The following KRIT1 variants were observed in gnomAD, a reference collection of about 807,000 sequenced individuals.
KRIT1 encodes krev interaction trapped protein 1.
In KRIT1, 45 loss-of-function variants were observed where a neutral mutation model predicts 95.8. The ratio of observed to expected loss-of-function variants is 0.47; its 90% CI spans 0.37 to 0.60. KRIT1 has a LOEUF of 0.60. KRIT1 is among the 20% of genes least tolerant of loss of function. The pLI, the probability that KRIT1 is intolerant of heterozygous loss-of-function variation, is 0.00. For synonymous variants in KRIT1, 282 were observed against 278.8 expected (o/e 1.01, Z -0.11); for missense variants, 788 against 877.5 (o/e 0.90, Z 1.29).
In KRIT1 at chr7:92,213,176, A is replaced by G; in HGVS notation, c.2025+19T>C. 1 of 1,553,452 alleles carries G rather than the reference A, an allele frequency of 6.4e-7. No homozygotes were observed. The highest frequency in any genetic ancestry group is 8.9e-7 in the Non-Finnish European group (1 of 1,125,480). On this transcript the variant is annotated intron_variant, in intron 17 of 18. Coordinates refer to ENST00000394505, the MANE Select transcript of KRIT1 (RefSeq NM_194454.3). ...AACTATTATATGACATGATTGGTAA[A>G]AAAGAGCTGAAAATCTACCTTAGTT...
rs1474333507 is a variant in KRIT1, at chr7:92,222,821, C to T, written c.1411+1G>A. 1 of 1,591,000 alleles carries T rather than the reference C, an allele frequency of 6.3e-7. No individual in the cohort carries two copies. Among genetic ancestry groups the T allele is most frequent in the Non-Finnish European group, 8.6e-7 (1 of 1,159,432 alleles). On this transcript the variant is annotated splice_donor_variant, in intron 13 of 18. Transcript: ENST00000394505. LOFTEE classifies it high-confidence loss of function. ...CTATAACATAATAAAAACTTTCTTA[C>T]TGAGGTTTTCTGAACAAATCCATAT...
chr7:92,219,364 AC>A lies in KRIT1; in HGVS notation c.1563+2537del, dbSNP rs572098575. Among the ~76,000 whole-genome samples the A allele has an allele frequency of 6.7e-3, 1,014 of 152,328 alleles. 8 individuals carry two copies. The highest frequency in any genetic ancestry group is 1.0e-2 in the Non-Finnish European group (680 of 68,020). On this transcript the variant is annotated intron_variant, in intron 14 of 18. Transcript: ENST00000394505. Reference sequence around the variant, plus strand: ...TTTCCTACTTTTGCAATGTGAACTTACAGTTATACCAGCACCATCTGTTGAA... The same window carrying A: ...TTTCCTACTTTTGCAATGTGAACTTAAGTTATACCAGCACCATCTGTTGAA...
At chr7:92,225,689 G>T (rs749952363) in intron 12 of KRIT1, 31 bp downstream of exon 12, 13 of 1,117,858 alleles carry the variant, frequency 1.2e-5, no homozygotes, top group Non-Finnish European at 1.8e-5. Flanking sequence ...TAAATACTAT[G>T]CCTGGCTCTA....
At position 92,237,623 on chromosome 7, in the gene KRIT1, C is replaced by T. The variant is rs1354578057; in HGVS notation, c.355+44G>A. Reference sequence around the variant, plus strand: ...ACTTCCTCAATAGACCTTTACTTAGCATCTAAAGTATATAAAGATTTGTAA... The same window carrying T: ...ACTTCCTCAATAGACCTTTACTTAGTATCTAAAGTATATAAAGATTTGTAA... On this transcript the variant is annotated intron_variant, in intron 6 of 18. Coordinates refer to ENST00000394505, the MANE Select transcript of KRIT1 (RefSeq NM_194454.3). 3.6e-6 allele frequency: 4 copies of T among 1,101,366 alleles called. No homozygotes were observed. The South Asian group carries it at 5.1e-5, about 14-fold the overall frequency. 68.2% of individuals were successfully genotyped at this position (1,101,366 alleles called of 1,614,324 possible).
chr7:92,216,672 A>C (rs1794060642), intron 14 of KRIT1, among the ~76,000 whole-genome samples: 1 of 152,210 alleles, frequency 6.6e-6, no homozygotes, highest in Admixed American at 6.5e-5. Context: ...AAGTAAATAC[A>C]CTAAACCAAA....
At chr7:92,211,511 G>A (rs920564118) in intron 17 of KRIT1, among the ~76,000 whole-genome samples, 4 of 152,148 alleles carry the variant, frequency 2.6e-5, no homozygotes, top group African/African-American at 7.2e-5. Flanking sequence ...GCTGGGAAGG[G>A]TAGGGTAGGG....
At position 92,235,389 on chromosome 7, in the gene KRIT1, C is replaced by T; in HGVS notation, c.729+14G>A. ...CGTCTTTTAAATCAGAGCTAAAATT[C>T]ATTCAACTCTTACCCGATTTGTATA... is the stretch of plus-strand genomic sequence containing the variant. On this transcript the variant is annotated intron_variant, in intron 8 of 18. Coordinates refer to ENST00000394505, the MANE Select transcript of KRIT1 (RefSeq NM_194454.3). The T allele has an allele frequency of 6.2e-7, 1 of 1,612,732 alleles. No individual in the cohort carries two copies. The highest frequency in any genetic ancestry group is 8.5e-7 in the Non-Finnish European group (1 of 1,179,078).
chr7:92,213,440 T>A, intron 16 of KRIT1, 39 bp from the exon 17 acceptor site: 1 of 1,391,080 alleles, frequency 7.2e-7, no homozygotes, highest in Non-Finnish European at 1.0e-6. Flanking sequence ...AAAAGAGATA[T>A]GAAAGGAAAA....
Position 92,235,479 on chromosome 7 carries a change from T to C in KRIT1, c.653A>G (p.Lys218Arg). 6.2e-7 allele frequency: 1 copy of C among 1,613,478 alleles called. No homozygotes were observed. The highest frequency in any genetic ancestry group is 2.2e-5 in the East Asian group (1 of 44,844). The change falls in exon 8 of 19, where the codon AAA becomes AGA. Residue 218 changes from lysine (K) to arginine (R), a missense_variant. Transcript: ENST00000394505. Reference sequence around the variant, plus strand: ...ATCTGCTTTCTCTAGGGCTAACATTTTACTCTTTATTTCTAGTGCACTATA... The same window carrying C: ...ATCTGCTTTCTCTAGGGCTAACATTCTACTCTTTATTTCTAGTGCACTATA... ...MGYSALEIKS[K>R]MLALEKADTC...
At chr7:92,223,273 C>CAAAAAAAAAA (rs568078150) in intron 12 of KRIT1, among the ~76,000 whole-genome samples, 23 of 41,870 alleles carry the variant, frequency 5.5e-4, no homozygotes, top group African/African-American at 1.1e-3. Flanking sequence ...ACTAAAAATA[C>CAAAAAAAAAA]AAAAAAAAAA....
chr7:92,236,214 T>C, intron 7 of KRIT1, 199 bp downstream of exon 7: 1 of 471,532 alleles, frequency 2.1e-6, no homozygotes, highest in Non-Finnish European at 3.8e-6. Context: ...AAAAATAAAA[T>C]TAACATGCTG....
At position 92,212,605 on chromosome 7, in the gene KRIT1, A is replaced by T. The variant is rs1338433264; in HGVS notation, c.2025+590T>A. ...AGGAGATGTCAGCAGTCTCCAACCC[A>T]GAAAAACGCTCTCACTAGAATCCAA... On this transcript the variant is annotated intron_variant, in intron 17 of 18. Coordinates refer to ENST00000394505, the MANE Select transcript of KRIT1 (RefSeq NM_194454.3). Among the ~76,000 whole-genome samples the T allele has an allele frequency of 4.6e-5, 7 of 152,326 alleles. No individual in the cohort carries two copies. In the East Asian group the frequency reaches 1.2e-3, roughly 25 times the overall value.
rs1666221446 is a variant in KRIT1, at chr7:92,234,576, C to T, written c.862G>A (p.Asp288Asn). Residue 288 changes from aspartate (D) to asparagine (N), a missense_variant, in exon 10 of 19, where the codon GAT becomes AAT. By Grantham distance (23) the Asp-to-Asn change is conservative. Around this residue, in one of 3 missense-constraint regions of KRIT1, gnomAD observed 493 missense variants for 582.3 expected, o/e 0.85. Coordinates refer to ENST00000394505, the MANE Select transcript of KRIT1 (RefSeq NM_194454.3). ...GCGCTTCGGTGGAGAGGAAAATCAT[C>T]TACCCACTGTCGTTCCCTAATCATT... ...VTEDKERQWV[D>N]DFPLHRSACE... is the part of the protein sequence containing the mutation. 6.2e-7 allele frequency: 1 copy of T among 1,613,214 alleles called. No homozygotes were observed. The highest frequency in any genetic ancestry group is 1.3e-5 in the African/African-American group (1 of 74,888).
intron 14 of KRIT1, among the ~76,000 whole-genome samples, chr7:92,220,377 G>A (rs1794888154): frequency 1.3e-5 from 2 of 151,934 alleles, no homozygotes; most frequent in African/African-American, 2.4e-5. Context: ...AAATTTCATA[G>A]CAATTTTTAT....
chr7:92,236,014 A>G (rs1257917114), intron 7 of KRIT1: 3 of 242,654 alleles, frequency 1.2e-5, no homozygotes, highest in Non-Finnish European at 2.4e-5. Flanking sequence ...ACTCCTTTCA[A>G]AAAACATAAA....
At chr7:92,207,178 C>T (rs796933440) in intron 17 of KRIT1, among the ~76,000 whole-genome samples, 1 of 151,904 alleles carries the variant, frequency 6.6e-6, no homozygotes, top group African/African-American at 2.4e-5. Flanking sequence ...CAGATCTAAC[C>T]TAAAAAGGTC....
intron 14 of KRIT1, among the ~76,000 whole-genome samples, chr7:92,216,047 G>C (rs902799367): frequency 4.0e-5 from 6 of 151,806 alleles, no homozygotes; most frequent in Non-Finnish European, 5.9e-5. Flanking sequence ...GGCTAACACG[G>C]TGAAACCCCG....
chr7:92,201,551 T>C (rs1195103818), intron 17 of KRIT1, 128 bp from the exon 18 acceptor site: 1 of 684,740 alleles, frequency 1.5e-6, no homozygotes, highest in Non-Finnish European at 2.6e-6. Context: ...TAAAAATTAT[T>C]ATACTTTAAG....
chr7:92,227,519 TAGA>T (rs1361677908), intron 10 of KRIT1, among the ~76,000 whole-genome samples: 2 of 152,146 alleles, frequency 1.3e-5, no homozygotes, highest in East Asian at 3.9e-4. Context: ...AGTGCTCTGA[TAGA>T]AGAACAATTT....
Sources: allele counts gnomAD v4.1 joint callset (sites outside exome capture counted in the v4.1 genomes callset), GRCh38; gene constraint gnomAD v4.1.1; regional missense constraint gnomAD v4.1.1; transcripts MANE v1.5; gene names NCBI Gene and HGNC (gene_info 2026-07-23, HGNC 2026-07-21).